The following TRAK1 variants were observed in gnomAD, a reference collection of about 807,000 sequenced individuals.
TRAK1 encodes trafficking kinesin-binding protein 1.
A neutral mutation model predicts 92.1 loss-of-function variants in TRAK1; 33 were observed. The observed-to-expected ratio is 0.36, with a 90% confidence interval of 0.27 to 0.48. The LOEUF is 0.48. Among genes scored for constraint, TRAK1 ranks in the 20% least tolerant of loss-of-function variants. The probability of loss-of-function intolerance (pLI) is 0.99; values close to 1 mark genes in which losing one functional copy is unlikely to be tolerated. For synonymous variants in TRAK1, 521 were observed against 517.3 expected (o/e 1.01, Z -0.10); for missense variants, 1,123 against 1,257.9 (o/e 0.89, Z 1.62).
At chr3:42,103,450 C>T (rs1161927266) in intron 1 of TRAK1, among the ~76,000 whole-genome samples, 1 of 152,190 alleles carries the variant, frequency 6.6e-6, no homozygotes, top group Non-Finnish European at 1.5e-5. Context: ...GCTGGGATTA[C>T]AGGCATGAGC....
At chr3:42,157,224 TG>T (rs1700637513) in intron 2 of TRAK1, among the ~76,000 whole-genome samples, 1 of 150,522 alleles carries the variant, frequency 6.6e-6, no homozygotes, top group African/African-American at 2.4e-5. Flanking sequence ...TTTGGGAGGC[TG>T]AAGTGGGTGG....
intron 2 of TRAK1, among the ~76,000 whole-genome samples, chr3:42,175,965 A>G (rs1167590757): frequency 1.3e-5 from 2 of 152,228 alleles, no homozygotes; most frequent in Non-Finnish European, 1.5e-5. Flanking sequence ...CCAATAGAAT[A>G]AAACTTACGC....
rs140368980 is a variant in TRAK1 at position 42,133,527 on chromosome 3, C to T, written c.286+7913C>T. Among the ~76,000 whole-genome samples, 5 of 152,258 alleles carry T rather than the reference C, an allele frequency of 3.3e-5. No homozygotes were observed. In the South Asian group the frequency reaches 6.2e-4, roughly 19 times the overall value. On this transcript the variant is annotated intron_variant, in intron 2 of 15. Coordinates refer to ENST00000327628, the MANE Select transcript of TRAK1 (RefSeq NM_001042646.3). ...CATACTGCTGTGCCCAGCTTCTTTT[C>T]TGTTCTTTGGTTCTCAACAGAAGTG...
At chr3:42,092,215 CCT>C (rs1005541632) in intron 1 of TRAK1, among the ~76,000 whole-genome samples, 32 of 152,138 alleles carry the variant, frequency 2.1e-4, no homozygotes, top group African/African-American at 7.5e-4. Context: ...GGGGCTGACA[CCT>C]CTCACTTCCT....
Position 42,125,613 on chromosome 3 carries a change from C to G in TRAK1, c.285C>G (p.Phe95Leu). ...AAATTGAAGAGACGTTAAAATACTT[C>G]CGTAAGTAGTTGTCCATGTGTGTTG... ...TEQIEETLKYFLLCAERVGQM... is the reference protein window; with the variant it reads ...TEQIEETLKYLLLCAERVGQM... Residue 95 changes from phenylalanine (F) to leucine (L), a missense_variant and splice_region_variant, in exon 2 of 16, where the codon TTC becomes TTG. Transcript: ENST00000327628. 1.2e-6 allele frequency: 2 copies of G among 1,614,084 alleles called. No individual in the cohort carries two copies. The highest frequency in any genetic ancestry group is 1.7e-6 in the Non-Finnish European group (2 of 1,179,940).
chr3:42,092,257 A>C (rs1405350926), intron 1 of TRAK1, among the ~76,000 whole-genome samples: 4 of 151,876 alleles, frequency 2.6e-5, no homozygotes, highest in African/African-American at 9.7e-5. Context: ...GTGGTTGATG[A>C]CCCATCTGGT....
At chr3:42,166,488 G>T (rs1279125684) in intron 2 of TRAK1, among the ~76,000 whole-genome samples, 1 of 152,178 alleles carries the variant, frequency 6.6e-6, no homozygotes, top group Admixed American at 6.5e-5. Flanking sequence ...CCATGGTTGT[G>T]TCTCTCTCGA....
At chr3:42,057,569 C>T (rs764217827) in intron 1 of TRAK1, among the ~76,000 whole-genome samples, 9 of 151,950 alleles carry the variant, frequency 5.9e-5, no homozygotes, top group East Asian at 1.9e-4. Context: ...GTGACTGGGC[C>T]GATTGGGATC....
chr3:42,197,030 A>ACACT lies in TRAK1; in HGVS notation c.1113+2092_1113+2093insTCAC, dbSNP rs1553607035. Among the ~76,000 whole-genome samples, 177 of 147,436 alleles carry ACACT rather than the reference A, an allele frequency of 1.2e-3. 1 individual carries two copies. Among genetic ancestry groups the ACACT allele is most frequent in the African/African-American group, 3.8e-3 (153 of 40,066 alleles). On this transcript the variant is annotated intron_variant, in intron 10 of 15. Transcript: ENST00000327628. ...CACACACACACACACACACACACAC[A>ACACT]CACACACACGTTGTTATATTGATAC...
chr3:42,047,542 G>A (rs1702803992), intron 1 of TRAK1, among the ~76,000 whole-genome samples: 1 of 125,956 alleles, frequency 7.9e-6, no homozygotes, highest in South Asian at 2.4e-4. Context: ...AAGTAGAAAA[G>A]TGGACTTAAG....
At chr3:42,207,559 A>C (rs1475891270) in intron 13 of TRAK1, among the ~76,000 whole-genome samples, 1 of 152,198 alleles carries the variant, frequency 6.6e-6, no homozygotes, top group Admixed American at 6.5e-5. Context: ...CTATCTGTAA[A>C]GTATATAATC....
intron 1 of TRAK1, among the ~76,000 whole-genome samples, chr3:42,123,020 C>A (rs776325742): frequency 6.6e-6 from 1 of 152,072 alleles, no homozygotes; most frequent in Non-Finnish European, 1.5e-5. Context: ...TTTGGAAAAC[C>A]ATGCTGACTT....
intron 1 of TRAK1, among the ~76,000 whole-genome samples, chr3:42,043,509 C>T (rs528519216): frequency 6.6e-6 from 1 of 152,128 alleles, no homozygotes; most frequent in African/African-American, 2.4e-5. Flanking sequence ...CCCCTACCCC[C>T]AGCCCTGTGA....
At position 42,167,607 on chromosome 3, in the gene TRAK1, A is replaced by C. The variant is rs1702028737; in HGVS notation, c.287-9207A>C. On this transcript the variant is annotated intron_variant, in intron 2 of 15. Coordinates refer to ENST00000327628, the MANE Select transcript of TRAK1 (RefSeq NM_001042646.3). ...TTTAAAACCAAGTAATGGGCCAGGC[A>C]CGGTGGCTCACGCCTGTAATCCCAG... Among the ~76,000 whole-genome samples, 2 of 152,204 alleles carry C rather than the reference A, an allele frequency of 1.3e-5. 1 individual carries two copies. The highest frequency in any genetic ancestry group is 2.9e-5 in the Non-Finnish European group (2 of 68,026).
At chr3:42,152,293 T>G (rs1700052232) in intron 2 of TRAK1, among the ~76,000 whole-genome samples, 1 of 152,202 alleles carries the variant, frequency 6.6e-6, no homozygotes, top group South Asian at 2.1e-4. Flanking sequence ...CCCAGTGTCT[T>G]CAAGTAACTT....
At chr3:42,129,151 G>C (rs1696862937) in intron 2 of TRAK1, among the ~76,000 whole-genome samples, 2 of 152,242 alleles carry the variant, frequency 1.3e-5, no homozygotes, top group Non-Finnish European at 2.9e-5. Context: ...GAGTCCTGCT[G>C]TGTGCATGGT....
chr3:42,060,254 AAAAT>A (rs1451106213), intron 1 of TRAK1, among the ~76,000 whole-genome samples: 2 of 151,944 alleles, frequency 1.3e-5, no homozygotes, highest in Non-Finnish European at 2.9e-5. Context: ...TCTAAGAAGA[AAAAT>A]AAAGGAAGGG....
intron 1 of TRAK1, among the ~76,000 whole-genome samples, chr3:42,058,651 A>T (rs1223981295): frequency 6.6e-6 from 1 of 152,130 alleles, no homozygotes; most frequent in East Asian, 1.9e-4. Context: ...GCCTGGAGGG[A>T]ACCTTTAAAG....
intron 1 of TRAK1, among the ~76,000 whole-genome samples, chr3:42,048,952 T>C (rs1702870569): frequency 6.6e-6 from 1 of 152,232 alleles, no homozygotes; most frequent in Non-Finnish European, 1.5e-5. Flanking sequence ...TTCCCCACTA[T>C]GTTGAGCTCA....
Sources: gnomAD v4.1 joint callset for allele counts (sites outside exome capture counted in the v4.1 genomes callset) on GRCh38, gnomAD v4.1.1 for gene constraint, MANE v1.5 for transcripts, NCBI Gene and HGNC (gene_info 2026-07-23, HGNC 2026-07-21) for gene names.